The following FAM91A1 variants were observed in gnomAD, a reference collection of about 807,000 sequenced individuals.
The protein encoded by FAM91A1 is protein FAM91A1.
Under a neutral mutation model 113.5 loss-of-function variants are expected in FAM91A1, and 41 were observed. The ratio of observed to expected loss-of-function variants is 0.36; its 90% CI spans 0.28 to 0.47. FAM91A1 has a LOEUF of 0.47. FAM91A1 is among the 20% of genes least tolerant of loss of function. FAM91A1 has a pLI of 1.00. For missense variants in FAM91A1, 696 were observed against 1,001.2 expected, an observed-to-expected ratio of 0.70 and a Z score of 4.11; for synonymous variants, 307 against 347.9, an observed-to-expected ratio of 0.88 and a Z score of 1.31.
At position 123,815,439 on chromosome 8, in the gene FAM91A1, A is replaced by G. The variant is rs2130181043; in HGVS notation, c.*2735A>G. 6.6e-6 allele frequency: 1 copy of G among 152,608 alleles called. No homozygotes were observed. Among genetic ancestry groups the G allele is most frequent in the Non-Finnish European group, 1.5e-5 (1 of 68,012 alleles). 9.5% of individuals were successfully genotyped at this position (152,608 alleles called of 1,614,324 possible). On this transcript the variant is annotated 3_prime_UTR_variant, in exon 24 of 24. Transcript: ENST00000334705. ...TACAAATAAACTGTGGTATTGATCA[A>G]GTTACTATGAAAATGTGTTTAATTT...
chr8:123,801,680 G>A (rs1815685398), intron 18 of FAM91A1, among the ~76,000 whole-genome samples: 1 of 152,172 alleles, frequency 6.6e-6, no homozygotes, highest in African/African-American at 2.4e-5. Context: ...CCAGCCTTGG[G>A]GCAAGGAGAA....
At chr8:123,796,342 A>G (rs1459544316) in intron 15 of FAM91A1, among the ~76,000 whole-genome samples, 1 of 152,192 alleles carries the variant, frequency 6.6e-6, no homozygotes, top group African/African-American at 2.4e-5. Context: ...AAAATAATAA[A>G]TTTCTGCTGG....
chr8:123,809,127 A>G, intron 22 of FAM91A1, 111 bp downstream of exon 22: 1 of 1,398,658 alleles, frequency 7.1e-7, no homozygotes, highest in Non-Finnish European at 9.5e-7. Flanking sequence ...TGTTCTGTAT[A>G]TATTTGTTGA....
At chr8:123,771,887 G>GATAAAAGA (rs1814850537) in intron 1 of FAM91A1, among the ~76,000 whole-genome samples, 1 of 152,198 alleles carries the variant, frequency 6.6e-6, no homozygotes, top group Non-Finnish European at 1.5e-5. Flanking sequence ...ATCTGATGTA[G>GATAAAAGA]TTCCTTTTAT....
intron 16 of FAM91A1, 109 bp downstream of exon 16, chr8:123,798,347 C>A: frequency 7.7e-7 from 1 of 1,297,958 alleles, no homozygotes; most frequent in Non-Finnish European, 1.0e-6. Flanking sequence ...TCATAGAAAG[C>A]AATTTTGTAT....
intron 15 of FAM91A1, among the ~76,000 whole-genome samples, chr8:123,792,537 C>G (rs1815409347): frequency 6.6e-6 from 1 of 152,136 alleles, no homozygotes. Context: ...GACATAAAAA[C>G]CACTGTTTAT....
intron 8 of FAM91A1, 59 bp from the exon 9 acceptor site, chr8:123,784,411 A>G: frequency 7.8e-7 from 1 of 1,278,330 alleles, no homozygotes; most frequent in Non-Finnish European, 1.1e-6. Context: ...TATGTAAATT[A>G]TACTTTCTTG....
At chr8:123,776,750 G>A (rs1027395668) in intron 3 of FAM91A1, among the ~76,000 whole-genome samples, 1 of 152,204 alleles carries the variant, frequency 6.6e-6, no homozygotes, top group African/African-American at 2.4e-5. Flanking sequence ...CCCACAGGAA[G>A]CAGTGGGTTT....
intron 1 of FAM91A1, among the ~76,000 whole-genome samples, chr8:123,772,703 A>G (rs1314731614): frequency 6.6e-6 from 1 of 152,182 alleles, no homozygotes; most frequent in Non-Finnish European, 1.5e-5. Context: ...GAAGTTAACT[A>G]CTAATAGCCT....
intron 18 of FAM91A1, among the ~76,000 whole-genome samples, chr8:123,803,394 G>C (rs904875536): frequency 6.6e-6 from 1 of 152,002 alleles, no homozygotes; most frequent in Admixed American, 6.6e-5. Context: ...CTGCAGCCTC[G>C]ACTTCCCCTG....
chr8:123,768,891 C>G (rs1018163961), intron 1 of FAM91A1, 117 bp downstream of exon 1: 1 of 1,043,492 alleles, frequency 9.6e-7, no homozygotes, highest in Non-Finnish European at 1.4e-6. Context: ...TTCCTTTACT[C>G]CTCCGTGGTC....
intron 3 of FAM91A1, among the ~76,000 whole-genome samples, chr8:123,776,125 T>A (rs1306654853): frequency 3.9e-5 from 6 of 152,252 alleles, no homozygotes; most frequent in Admixed American, 2.0e-4. Context: ...AATTATTAAC[T>A]TTTAGTTGTT....
chr8:123,791,625 T>G (rs756910778), intron 15 of FAM91A1, among the ~76,000 whole-genome samples: 25 of 152,200 alleles, frequency 1.6e-4, no homozygotes, highest in Non-Finnish European at 3.1e-4. Flanking sequence ...CAATTACTTA[T>G]GAAATTTCAT....
At chr8:123,781,299 T>G (rs962492150) in intron 8 of FAM91A1, among the ~76,000 whole-genome samples, 7 of 152,166 alleles carry the variant, frequency 4.6e-5, no homozygotes, top group Non-Finnish European at 8.8e-5. Flanking sequence ...TCAAAAAATT[T>G]CAGAGAATGA....
chr8:123,797,397 C>A (rs550757103), intron 15 of FAM91A1, among the ~76,000 whole-genome samples: 1 of 152,096 alleles, frequency 6.6e-6, no homozygotes, highest in African/African-American at 2.4e-5. Flanking sequence ...TGTAAAGTTA[C>A]ACCCATCATG....
At chr8:123,775,400 A>G in intron 3 of FAM91A1, 102 bp downstream of exon 3, 1 of 1,374,328 alleles carries the variant, frequency 7.3e-7, no homozygotes, top group African/African-American at 1.4e-5. Flanking sequence ...TCTGCGGTGG[A>G]CACTCTTTCA....
At chr8:123,769,814 G>A (rs552922432) in intron 1 of FAM91A1, among the ~76,000 whole-genome samples, 42 of 152,342 alleles carry the variant, frequency 2.8e-4, no homozygotes, top group Non-Finnish European at 5.6e-4. Flanking sequence ...TGCTGCTCTG[G>A]TCATAGATTG....
chr8:123,810,457 A>G lies in FAM91A1; in HGVS notation c.2331+106A>G. ...ACCACAGCAGCAAGATATGAAATAA[A>G]CATTAATTTTATTGTACAAATGAAG... On this transcript the variant is annotated intron_variant, in intron 23 of 23. Transcript: ENST00000334705. 3.9e-6 allele frequency: 4 copies of G among 1,028,786 alleles called. No individual in the cohort carries two copies. The East Asian group carries it at 9.5e-5, about 25-fold the overall frequency. The allele number at this position is 1,028,786 out of a possible 1,614,324, so 63.7% of individuals were successfully genotyped here. A position where few individuals can be genotyped will look rare whatever the true frequency, so the allele number is the denominator to read the frequency against.
chr8:123,786,691 T>C, intron 12 of FAM91A1, 81 bp downstream of exon 12: 1 of 1,071,870 alleles, frequency 9.3e-7, no homozygotes, highest in Non-Finnish European at 1.4e-6. Context: ...AGTTACCTTC[T>C]AATTTTAGTT....
Sources: allele counts gnomAD v4.1 joint callset (sites outside exome capture counted in the v4.1 genomes callset), GRCh38; gene constraint gnomAD v4.1.1; transcripts MANE v1.5; gene names NCBI Gene and HGNC (gene_info 2026-07-23, HGNC 2026-07-21).